Variants in RAPGEF4 observed in about 807,000 individuals in gnomAD.
RAPGEF4 encodes RAP guanine-nucleotide-exchange factor (GEF) 4.
Under a neutral mutation model 147.9 loss-of-function variants are expected in RAPGEF4, and 66 were observed. The ratio of observed to expected loss-of-function variants is 0.45; its 90% CI spans 0.37 to 0.55. The LOEUF is 0.55. Ranked by LOEUF, RAPGEF4 falls within the 20% of genes least tolerant of loss-of-function variation. The probability of loss-of-function intolerance (pLI) is 0.00; values close to 1 mark genes in which losing one functional copy is unlikely to be tolerated. For synonymous variants in RAPGEF4, 419 were observed against 442.7 expected (o/e 0.95, Z 0.67); for missense variants, 1,071 against 1,257.3 (o/e 0.85, Z 2.24).
chr2:172,788,643 G>A (rs980272830), intron 1 of RAPGEF4, among the ~76,000 whole-genome samples: 1 of 152,066 alleles, frequency 6.6e-6, no homozygotes, highest in Non-Finnish European at 1.5e-5. Context: ...GCAGCACTTT[G>A]GGAGACCGAA....
At chr2:172,956,476 T>TC (rs1553537589) in intron 6 of RAPGEF4, among the ~76,000 whole-genome samples, 3 of 149,946 alleles carry the variant, frequency 2.0e-5, no homozygotes, top group African/African-American at 4.9e-5. Context: ...CTTTTTCTTT[T>TC]TTTTTTTTTT....
At chr2:172,983,922 C>T (rs935386809) in intron 11 of RAPGEF4, among the ~76,000 whole-genome samples, 1 of 152,140 alleles carries the variant, frequency 6.6e-6, no homozygotes, top group African/African-American at 2.4e-5. Context: ...TGAATCCTGC[C>T]ATGGTATGCT....
chr2:172,765,584 A>G (rs1696756336), intron 1 of RAPGEF4, among the ~76,000 whole-genome samples: 1 of 152,204 alleles, frequency 6.6e-6, no homozygotes, highest in Non-Finnish European at 1.5e-5. Flanking sequence ...GGTGTCTGAG[A>G]TCATGACTAT....
At chr2:172,963,859 C>T (rs188406042) in intron 8 of RAPGEF4, among the ~76,000 whole-genome samples, 1 of 152,180 alleles carries the variant, frequency 6.6e-6, no homozygotes, top group East Asian at 1.9e-4. Context: ...TACTAGCGGT[C>T]TGCTGTCAAT....
intron 4 of RAPGEF4, among the ~76,000 whole-genome samples, chr2:172,851,751 C>A (rs1226098184): frequency 6.6e-6 from 1 of 152,038 alleles, no homozygotes; most frequent in Non-Finnish European, 1.5e-5. Flanking sequence ...ACAATGAGAA[C>A]ACATGGACAC....
chr2:172,871,438 T>G (rs567154515), intron 4 of RAPGEF4, among the ~76,000 whole-genome samples: 1 of 152,104 alleles, frequency 6.6e-6, no homozygotes, highest in Non-Finnish European at 1.5e-5. Flanking sequence ...CAGGGTTAGA[T>G]GGAGGGTAGT....
At chr2:172,872,259 G>C (rs1236181435) in intron 4 of RAPGEF4, among the ~76,000 whole-genome samples, 1 of 152,140 alleles carries the variant, frequency 6.6e-6, no homozygotes, top group Non-Finnish European at 1.5e-5. Flanking sequence ...AAACTCTTCA[G>C]AGGCTTATCT....
chr2:172,814,438 G>C lies in RAPGEF4; in HGVS notation c.444+13G>C, dbSNP rs756078472. 4 of 1,613,906 alleles carry C rather than the reference G, an allele frequency of 2.5e-6. No homozygotes were observed. The highest frequency in any genetic ancestry group is 3.4e-6 in the Non-Finnish European group (4 of 1,179,892). ...GGCACTATGGGAGGTGAGCCCTAAG[G>C]CTTCTTTGTCAATTAATGCAGTTTC... is the stretch of plus-strand genomic sequence containing the variant. On this transcript the variant is annotated intron_variant, in intron 4 of 30. Coordinates refer to ENST00000397081, the MANE Select transcript of RAPGEF4 (RefSeq NM_007023.4).
chr2:172,736,221 C>T (rs1020321218), intron 1 of RAPGEF4, 173 bp downstream of exon 1: 1 of 398,540 alleles, frequency 2.5e-6, no homozygotes, highest in African/African-American at 2.1e-5. Flanking sequence ...CAAGGATCCC[C>T]GCCTCTCGTG....
At chr2:172,802,438 G>A (rs62168126) in intron 3 of RAPGEF4, among the ~76,000 whole-genome samples, 4 of 152,052 alleles carry the variant, frequency 2.6e-5, no homozygotes, top group Non-Finnish European at 4.4e-5. Context: ...TCTTTAAAAC[G>A]GTCAGATCTT....
chr2:172,758,885 A>G (rs1044746778), intron 1 of RAPGEF4, among the ~76,000 whole-genome samples: 2 of 152,176 alleles, frequency 1.3e-5, no homozygotes, highest in African/African-American at 4.8e-5. Flanking sequence ...GGGATCATTA[A>G]TACATAGATG....
chr2:172,896,927 A>G (rs1698537014), intron 4 of RAPGEF4, among the ~76,000 whole-genome samples: 1 of 152,196 alleles, frequency 6.6e-6, no homozygotes, highest in Admixed American at 6.6e-5. Context: ...GACACATGCC[A>G]GTTCTCTTGG....
At chr2:172,949,487 G>A (rs565545777) in intron 6 of RAPGEF4, among the ~76,000 whole-genome samples, 1 of 152,236 alleles carries the variant, frequency 6.6e-6, no homozygotes, top group African/African-American at 2.4e-5. Context: ...ACCCTAACCC[G>A]ATCAATAATC....
At chr2:172,807,784 G>GT (rs1687650083) in intron 3 of RAPGEF4, among the ~76,000 whole-genome samples, 1 of 152,120 alleles carries the variant, frequency 6.6e-6, no homozygotes, top group South Asian at 2.1e-4. Context: ...AAAAAAATAT[G>GT]TTTCTGTCTC....
At chr2:172,925,737 GAAAGAGAA>G (rs1288205068) in intron 6 of RAPGEF4, among the ~76,000 whole-genome samples, 1 of 139,018 alleles carries the variant, frequency 7.2e-6, no homozygotes, top group Non-Finnish European at 1.5e-5. Context: ...CGAGTGAGAA[GAAAGAGAA>G]AGAGAGAAAG....
chr2:172,963,479 C>A (rs906669599), intron 8 of RAPGEF4, among the ~76,000 whole-genome samples: 1 of 152,112 alleles, frequency 6.6e-6, no homozygotes, highest in Non-Finnish European at 1.5e-5. Flanking sequence ...CAAGTATTGA[C>A]TTGCATTAGG....
intron 16 of RAPGEF4, among the ~76,000 whole-genome samples, chr2:173,000,643 G>T (rs1693802615): frequency 6.6e-6 from 1 of 152,094 alleles, no homozygotes; most frequent in Non-Finnish European, 1.5e-5. Context: ...TTCACATATA[G>T]GACAGTCACC....
intron 3 of RAPGEF4, among the ~76,000 whole-genome samples, chr2:172,810,506 T>C (rs1687922783): frequency 6.6e-6 from 1 of 152,172 alleles, no homozygotes; most frequent in South Asian, 2.1e-4. Flanking sequence ...TAAGGAGGTC[T>C]GTGTTTTAGA....
At chr2:172,950,371 G>A (rs1688094888) in intron 6 of RAPGEF4, among the ~76,000 whole-genome samples, 1 of 152,028 alleles carries the variant, frequency 6.6e-6, no homozygotes, top group African/African-American at 2.4e-5. Context: ...ATAAGGATAA[G>A]GATTGATCCA....
Sources: gnomAD v4.1 joint callset for allele counts (sites outside exome capture counted in the v4.1 genomes callset) on GRCh38, gnomAD v4.1.1 for gene constraint, MANE v1.5 for transcripts, NCBI Gene and HGNC (gene_info 2026-07-23, HGNC 2026-07-21) for gene names.